CYP26C1: variants seen among roughly 807,000 people sequenced by gnomAD.
CYP26C1 encodes cytochrome P450 26C1.
CYP26C1 carries 41 observed loss-of-function variants against 39.1 expected under a neutral mutation model. The observed-to-expected ratio is 1.05, with a 90% CI of 0.82 to 1.36. The LOEUF (loss-of-function observed/expected upper bound fraction) is 1.36. Ranked by LOEUF, CYP26C1 falls within the 40% of genes most tolerant of loss-of-function variation. CYP26C1 has a pLI of 0.00. For synonymous variants in CYP26C1, 362 were observed against 350.8 expected, an observed-to-expected ratio of 1.03 and a Z score of -0.36; for missense variants, 833 against 752.0, an observed-to-expected ratio of 1.11 and a Z score of -1.26.
Position 93,061,253 on chromosome 10 carries a change from G to T in CYP26C1, c.-11G>T, listed in dbSNP as rs779778654. The T allele has an allele frequency of 6.4e-6, 10 of 1,558,478 alleles. No homozygotes were observed. Among genetic ancestry groups the T allele is most frequent in the Non-Finnish European group, 7.8e-6 (9 of 1,154,186 alleles). On this transcript the variant is annotated 5_prime_UTR_variant, in exon 1 of 6. Transcript: ENST00000651965. ...CTGCGCTCTGAGCGGCCTGGCCCCC[G>T]CGGGCTCATCATGTTCCCTTGGGGG...
chr10:93,064,330 T>A, intron 3 of CYP26C1, 51 bp from the exon 4 acceptor site: 2 of 1,565,100 alleles, frequency 1.3e-6, no homozygotes, highest in Non-Finnish European at 1.7e-6. Context: ...GTGGCCGGGC[T>A]TGGCCCCCTT....
chr10:93,063,496 G>A (rs1846778765), intron 3 of CYP26C1: 1 of 986,648 alleles, frequency 1.0e-6, no homozygotes, highest in Non-Finnish European at 1.2e-6. Context: ...CTAGGTTTCG[G>A]GATCAGAGAA....
intron 2 of CYP26C1, 126 bp downstream of exon 2, chr10:93,062,360 G>T (rs1218515833): frequency 2.0e-6 from 2 of 1,015,758 alleles, no homozygotes; most frequent in South Asian, 1.7e-5. Context: ...GGTAACTAGC[G>T]GGTGGCCTTG....
At chr10:93,064,732 C>T in intron 4 of CYP26C1, 196 bp downstream of exon 4, 1 of 1,298,398 alleles carries the variant, frequency 7.7e-7, no homozygotes, top group Non-Finnish European at 9.8e-7. Flanking sequence ...CCTTCAGCCT[C>T]CAGCCAGCCT....
rs780186241 is a variant in CYP26C1 at position 93,062,878 on chromosome 10, C to T, written c.588C>T (p.Ile196=). Residue 196 remains isoleucine (I), a synonymous_variant, in exon 3 of 6, where the codon ATC becomes ATT. Coordinates refer to ENST00000651965, the MANE Select transcript of CYP26C1 (RefSeq NM_183374.3). ...TCACCTTCCGCATGGCCGCGCGCAT[C>T]CTGCTGGGGTTGCGGCTGGACGAGG... ...KALTFRMAAR[I]LLGLRLDEAQ... is the part of the protein sequence containing the mutation. 1.4e-5 allele frequency: 22 copies of T among 1,604,710 alleles called. No individual in the cohort carries two copies. Among genetic ancestry groups the T allele is most frequent in the Non-Finnish European group, 1.6e-5 (19 of 1,179,234 alleles).
chr10:93,061,849 T>C (rs911660774), intron 1 of CYP26C1, among the ~76,000 whole-genome samples, 161 bp from the exon 2 acceptor site: 2 of 152,220 alleles, frequency 1.3e-5, no homozygotes, highest in Admixed American at 6.5e-5. Flanking sequence ...CAGGAGCATG[T>C]ACATTCCCGT....
intron 5 of CYP26C1, among the ~76,000 whole-genome samples, chr10:93,067,404 T>A (rs895175817): frequency 6.6e-6 from 1 of 152,232 alleles, no homozygotes; most frequent in East Asian, 1.9e-4. Context: ...GTGTCTTGAA[T>A]GCGGAATCAG....
rs559957402 is a variant in CYP26C1, at chr10:93,063,837, C to A, written c.706-544C>A. 26 of 985,784 alleles carry A rather than the reference C, an allele frequency of 2.6e-5. No individual in the cohort carries two copies. In the Admixed American group the frequency reaches 1.5e-3, roughly 58 times the overall value. The allele number at this position is 985,784 out of a possible 1,614,324, so 61.1% of individuals were successfully genotyped here. On this transcript the variant is annotated intron_variant, in intron 3 of 5. Coordinates refer to ENST00000651965, the MANE Select transcript of CYP26C1 (RefSeq NM_183374.3). ...CTCCTCCGACTATGGAACTCAAGTG[C>A]TGAATTACAGTGCTTTCCCCGGGGG...
Position 93,066,114 on chromosome 10 carries a change from G to T in CYP26C1, c.1020G>T (p.Gly340=). 7.6e-7 allele frequency: 1 copy of T among 1,319,524 alleles called. No individual in the cohort carries two copies. The highest frequency in any genetic ancestry group is 2.3e-5 in the South Asian group (1 of 43,826). 81.7% of individuals were successfully genotyped at this position (1,319,524 alleles called of 1,614,324 possible). Residue 340 remains glycine, a synonymous_variant, in exon 5 of 6, where the codon GGG becomes GGT. Coordinates refer to ENST00000651965, the MANE Select transcript of CYP26C1 (RefSeq NM_183374.3). The part of the protein sequence containing the change: ...GLGRACGCAP[G]AAGGSEGPPP... ...GGCGCGCGTGCGGCTGCGCGCCCGG[G>T]GCCGCTGGGGGCAGCGAGGGGCCCC...
Position 93,064,003 on chromosome 10 carries a change from A to G in CYP26C1, c.706-378A>G, listed in dbSNP as rs374701644. 15 of 1,021,004 alleles carry G rather than the reference A, an allele frequency of 1.5e-5. No homozygotes were observed. In the East Asian group the frequency reaches 6.6e-4, roughly 45 times the overall value. 63.2% of individuals were successfully genotyped at this position (1,021,004 alleles called of 1,614,324 possible). ...GGGTGCATCAAGGTACCCCAGCCTG[A>G]GCCTAGTACAGGGAAAGGGCAATGG... On this transcript the variant is annotated intron_variant, in intron 3 of 5. Transcript: ENST00000651965.
At chr10:93,068,266 C>A (rs961755325) in intron 5 of CYP26C1, 54 bp from the exon 6 acceptor site, 3 of 1,476,284 alleles carry the variant, frequency 2.0e-6, no homozygotes, top group South Asian at 2.9e-5. Context: ...CAGTTCAGGG[C>A]CCCCCCGTTT....
rs1846796027 is a variant in CYP26C1, at chr10:93,064,437, G to C, written c.762G>C (p.Lys254Asn). 6.2e-7 allele frequency: 1 copy of C among 1,614,026 alleles called. No individual in the cohort carries two copies. Among genetic ancestry groups the C allele is most frequent in the African/African-American group, 1.3e-5 (1 of 74,942 alleles). Residue 254 changes from lysine to asparagine, a missense_variant, in exon 4 of 6, where the codon AAG (lysine) becomes AAC (asparagine). Lys to Asn is a moderately conservative substitution (Grantham distance 94, BLOSUM62 0). Transcript: ENST00000651965. ...HRHLEGAISE[K>N]LHEDKAAEPG... is the part of the protein sequence containing the mutation. ...ACCTGGAGGGGGCCATTTCTGAGAAGCTTCACGAGGACAAGGCTGCAGAGC... is the reference window on the plus strand; with the variant it reads ...ACCTGGAGGGGGCCATTTCTGAGAACCTTCACGAGGACAAGGCTGCAGAGC...
Position 93,068,352 on chromosome 10 carries a change from G to C in CYP26C1, c.1224G>C (p.Met408Ile), listed in dbSNP as rs368990170. The change falls in exon 6 of 6, where the codon ATG becomes ATC. Residue 408 changes from methionine (M) to isoleucine (I), a missense_variant. Physicochemically the swap from Met to Ile is conservative, Grantham distance 10. Transcript: ENST00000651965. ...GYQIPKGWSVMYSIRDTHETA... is the reference protein window; with the variant it reads ...GYQIPKGWSVIYSIRDTHETA... ...AGATCCCCAAGGGCTGGAGCGTGAT[G>C]TATAGCATCCGGGACACGCACGAGA... The C allele has an allele frequency of 9.6e-6, 15 of 1,555,424 alleles. No homozygotes were observed. Among genetic ancestry groups the C allele is most frequent in the Non-Finnish European group, 1.2e-5 (14 of 1,153,630 alleles).
At chr10:93,065,210 C>G (rs2134413586) in intron 4 of CYP26C1, among the ~76,000 whole-genome samples, 1 of 152,342 alleles carries the variant, frequency 6.6e-6, no homozygotes, top group Middle Eastern at 3.4e-3. Context: ...ATAAGCAACT[C>G]TTACGCATCC....
intron 5 of CYP26C1, 145 bp from the exon 6 acceptor site, chr10:93,068,175 A>T: frequency 1.0e-6 from 1 of 982,812 alleles, no homozygotes; most frequent in Non-Finnish European, 1.4e-6. Flanking sequence ...ATTGGAACAC[A>T]GAGCTTTCTC....
rs759966432 is a variant in CYP26C1 at position 93,064,434 on chromosome 10, G to A, written c.759G>A (p.Glu253=). 6.2e-7 allele frequency: 1 copy of A among 1,614,140 alleles called. No homozygotes were observed. Among genetic ancestry groups the A allele is most frequent in the Admixed American group, 1.7e-5 (1 of 60,032 alleles). Residue 253 remains glutamate (E), a synonymous_variant, in exon 4 of 6, where the codon GAG becomes GAA. Coordinates refer to ENST00000651965, the MANE Select transcript of CYP26C1 (RefSeq NM_183374.3). Reference sequence around the variant, plus strand: ...GGCACCTGGAGGGGGCCATTTCTGAGAAGCTTCACGAGGACAAGGCTGCAG... The same window carrying A: ...GGCACCTGGAGGGGGCCATTTCTGAAAAGCTTCACGAGGACAAGGCTGCAG... ...LHRHLEGAIS[E]KLHEDKAAEP...
rs1302494800 is a variant in CYP26C1 at position 93,066,136 on chromosome 10, C to T, written c.1042C>T (p.Pro348Ser). ...CGGGGCCGCTGGGGGCAGCGAGGGGCCCCCGCCCGACTGCGGCTGCGAGCC... is the reference window on the plus strand; with the variant it reads ...CGGGGCCGCTGGGGGCAGCGAGGGGTCCCCGCCCGACTGCGGCTGCGAGCC... The part of the protein sequence containing the change: ...APGAAGGSEG[P>S]PPDCGCEPDL... Residue 348 changes from proline to serine, a missense_variant, in exon 5 of 6, where the codon CCC becomes TCC. Transcript: ENST00000651965. 3 of 1,351,206 alleles carry T rather than the reference C, an allele frequency of 2.2e-6. No individual in the cohort carries two copies. The highest frequency in any genetic ancestry group is 1.9e-6 in the Non-Finnish European group (2 of 1,053,174). The allele number at this position is 1,351,206 out of a possible 1,614,324, so 83.7% of individuals were successfully genotyped here. A position where few individuals can be genotyped will look rare whatever the true frequency, so the allele number is the denominator to read the frequency against.
chr10:93,066,345 G>T (rs1433715714), intron 5 of CYP26C1, 60 bp downstream of exon 5: 2 of 1,240,718 alleles, frequency 1.6e-6, no homozygotes, highest in African/African-American at 1.6e-5. Context: ...GCCGCCTGCC[G>T]CCTGCCGCCT....
rs1361506319 is a variant in CYP26C1, at chr10:93,062,225, G to A, written c.420G>A (p.Arg140=). The A allele has an allele frequency of 6.6e-7, 1 of 1,523,152 alleles. No homozygotes were observed. The highest frequency in any genetic ancestry group is 1.4e-5 in the African/African-American group (1 of 72,822). The allele number at this position is 1,523,152 out of a possible 1,614,324, so 94.4% of individuals were successfully genotyped here. A position where few individuals can be genotyped will look rare whatever the true frequency, so the allele number is the denominator to read the frequency against. The change falls in exon 2 of 6, where the codon CGG becomes CGA. Residue 140 remains arginine, a synonymous_variant. Transcript: ENST00000651965. Reference sequence around the variant, plus strand: ...GTGCGGTCGGCGAGCCGCACCGGCGGCGGCGCAAGGTGAGTGGAAACGGGA... The same window carrying A: ...GTGCGGTCGGCGAGCCGCACCGGCGACGGCGCAAGGTGAGTGGAAACGGGA... ...LLGAVGEPHR[R]RRKVLARVFS...
Sources: gnomAD v4.1 joint callset for allele counts (sites outside exome capture counted in the v4.1 genomes callset) on GRCh38, gnomAD v4.1.1 for gene constraint, MANE v1.5 for transcripts, NCBI Gene and HGNC (gene_info 2026-07-23, HGNC 2026-07-21) for gene names.